UPP1: variants seen among roughly 807,000 people sequenced by gnomAD.
UPP1 encodes uridine phosphorylase 1.
Under a neutral mutation model 29.6 loss-of-function variants are expected in UPP1, and 25 were observed. The observed-to-expected ratio is 0.85, with a 90% confidence interval of 0.62 to 1.18. UPP1 has a LOEUF of 1.18. UPP1 is among the 50% of genes most tolerant of loss of function. The probability of loss-of-function intolerance (pLI) is 0.00; values close to 1 mark genes in which losing one functional copy is unlikely to be tolerated. For synonymous variants in UPP1, 165 were observed against 159.8 expected, an observed-to-expected ratio of 1.03 and a Z score of -0.25; for missense variants, 368 against 410.4, an observed-to-expected ratio of 0.90 and a Z score of 0.89.
Position 48,108,584 on chromosome 7 carries a change from A to G in UPP1, c.*227A>G. The G allele has an allele frequency of 1.1e-5, 5 of 445,360 alleles. 1 individual carries two copies. Among genetic ancestry groups the G allele is most frequent in the Non-Finnish European group, 1.5e-5 (4 of 275,204 alleles). The allele number at this position is 445,360 out of a possible 1,614,324, so 27.6% of individuals were successfully genotyped here. On this transcript the variant is annotated 3_prime_UTR_variant, in exon 9 of 9. Transcript: ENST00000395564. The stretch of plus-strand genomic sequence containing the variant: ...GTTAGCCTGATTTGGGGTTTCTTCA[A>G]GAACATTCTACCAAATTTTTGTACT...
At chr7:48,092,367 C>A (rs1190678576) in intron 2 of UPP1, among the ~76,000 whole-genome samples, 1 of 152,268 alleles carries the variant, frequency 6.6e-6, no homozygotes, top group East Asian at 1.9e-4. Context: ...CAGACCCCTA[C>A]GCCCCGGGAT....
intron 2 of UPP1, among the ~76,000 whole-genome samples, chr7:48,092,019 G>A (rs1303989668): frequency 6.6e-6 from 1 of 152,080 alleles, no homozygotes; most frequent in Admixed American, 6.5e-5. Context: ...AGAGCTTTCC[G>A]GGGGCCACTC....
chr7:48,108,423 C>A lies in UPP1; in HGVS notation c.*66C>A. 3 of 1,545,678 alleles carry A rather than the reference C, an allele frequency of 1.9e-6. No homozygotes were observed. The highest frequency in any genetic ancestry group is 2.3e-5 in the East Asian group (1 of 43,506). On this transcript the variant is annotated 3_prime_UTR_variant, in exon 9 of 9. Coordinates refer to ENST00000395564, the MANE Select transcript of UPP1 (RefSeq NM_003364.4). The stretch of plus-strand genomic sequence containing the variant: ...CCATTAAAAGCATTGTCCAAAATCC[C>A]CTGTTGTGTGGACTTTGAGCACACT...
intron 6 of UPP1, chr7:48,104,974 C>T (rs1212035641): frequency 3.9e-5 from 6 of 152,200 alleles, no homozygotes; most frequent in Non-Finnish European, 7.3e-5. Flanking sequence ...AAACCAAAAA[C>T]CACTGGACAC....
chr7:48,099,749 A>G lies in UPP1; in HGVS notation c.124A>G (p.Ser42Gly). ...TCTCTATCATTTCAATCTCACCACT[A>G]GCAGACACAATTTCCCAGCCTTGTT... ...DILYHFNLTT[S>G]RHNFPALFGD... The change falls in exon 4 of 9, where the codon AGC becomes GGC. Residue 42 changes from serine to glycine, a missense_variant. Transcript: ENST00000395564. 1 of 1,613,560 alleles carries G rather than the reference A, an allele frequency of 6.2e-7. No individual in the cohort carries two copies. Among genetic ancestry groups the G allele is most frequent in the East Asian group, 2.2e-5 (1 of 44,898 alleles).
At chr7:48,103,501 C>CA (rs1249830347) in intron 6 of UPP1, 90 bp downstream of exon 6, 2 of 1,147,238 alleles carry the variant, frequency 1.7e-6, no homozygotes, top group Non-Finnish European at 2.6e-6. Flanking sequence ...GCATTAGAGA[C>CA]AAAGAGTTCC....
At position 48,101,941 on chromosome 7, in the gene UPP1, C is replaced by T. The variant is rs758600283; in HGVS notation, c.280C>T (p.Arg94Cys). 1.5e-5 allele frequency: 24 copies of T among 1,613,774 alleles called. No individual in the cohort carries two copies. The Middle Eastern group carries it at 8.2e-4, about 55-fold the overall frequency. ...TCCCAACATCTGTGCGGGAACTGAC[C>T]GCTATGCCATGTATAAAGTAGGACC... ...DYPNICAGTD[R>C]YAMYKVGPVL... The change falls in exon 5 of 9, where the codon CGC (arginine) becomes TGC (cysteine). Residue 94 changes from arginine (R) to cysteine (C), a missense_variant. Physicochemically the swap from Arg to Cys is radical, Grantham distance 180 (BLOSUM62 -3). Transcript: ENST00000395564.
rs1792044827 is a variant in UPP1, at chr7:48,094,901, T to A, written c.44+74T>A. On this transcript the variant is annotated intron_variant, in intron 3 of 8. Coordinates refer to ENST00000395564, the MANE Select transcript of UPP1 (RefSeq NM_003364.4). ...TATAGAGCATATGTTGTGCCACACATTTTTCTAAGGACTTGACATATATTA... is the reference window on the plus strand; with the variant it reads ...TATAGAGCATATGTTGTGCCACACAATTTTCTAAGGACTTGACATATATTA... The A allele has an allele frequency of 2.9e-5, 45 of 1,531,766 alleles. 1 individual carries two copies. The South Asian group carries it at 5.1e-4, about 17-fold the overall frequency. 94.9% of individuals were successfully genotyped at this position (1,531,766 alleles called of 1,614,324 possible). A position where few individuals can be genotyped will look rare whatever the true frequency, so the allele number is the denominator to read the frequency against.
At chr7:48,099,559 C>G in intron 3 of UPP1, 111 bp from the exon 4 acceptor site, 3 of 745,902 alleles carry the variant, frequency 4.0e-6, no homozygotes, top group Non-Finnish European at 6.9e-6. Context: ...GGATCTGGCC[C>G]TGTCTTTCTC....
chr7:48,101,076 T>G (rs1792392760), intron 4 of UPP1, among the ~76,000 whole-genome samples: 1 of 152,044 alleles, frequency 6.6e-6, no homozygotes, highest in Non-Finnish European at 1.5e-5. Context: ...CCAGCTAATT[T>G]TTGTATTTTT....
intron 3 of UPP1, 54 bp from the exon 4 acceptor site, chr7:48,099,616 C>A: frequency 8.0e-7 from 1 of 1,248,262 alleles, no homozygotes; most frequent in South Asian, 1.2e-5. Flanking sequence ...GTGATAATGT[C>A]GGCTGTCGGG....
intron 4 of UPP1, 60 bp from the exon 5 acceptor site, chr7:48,101,764 C>T: frequency 6.4e-7 from 1 of 1,554,670 alleles, no homozygotes; most frequent in Non-Finnish European, 8.7e-7. Context: ...CTAGGGGCCC[C>T]ACTTGAGGAC....
chr7:48,091,255 T>C (rs777020003), intron 2 of UPP1, among the ~76,000 whole-genome samples: 10 of 149,998 alleles, frequency 6.7e-5, no homozygotes, highest in Non-Finnish European at 1.3e-4. Flanking sequence ...TTTAACGGGT[T>C]AAAACTAAAA....
chr7:48,101,711 TTA>T, intron 4 of UPP1, 111 bp from the exon 5 acceptor site: 3 of 1,260,464 alleles, frequency 2.4e-6, no homozygotes. Context: ...GCCAGTGAAC[TTA>T]TATTTTTAGC....
intron 3 of UPP1, among the ~76,000 whole-genome samples, chr7:48,097,581 A>C (rs893332471): frequency 1.1e-4 from 16 of 152,164 alleles, no homozygotes; most frequent in Non-Finnish European, 1.3e-4. Context: ...GTTACACCCT[A>C]CTTCCTTCTT....
At chr7:48,095,109 C>T (rs1173332319) in intron 3 of UPP1, among the ~76,000 whole-genome samples, 1 of 152,142 alleles carries the variant, frequency 6.6e-6, no homozygotes, top group Non-Finnish European at 1.5e-5. Context: ...GTAGGTTTTT[C>T]CTCTATGTGC....
At chr7:48,091,445 C>T (rs759333852) in intron 2 of UPP1, among the ~76,000 whole-genome samples, 5 of 152,138 alleles carry the variant, frequency 3.3e-5, no homozygotes, top group Admixed American at 6.5e-5. Context: ...ACCAGCAAAA[C>T]TCTCCTGTTA....
Position 48,103,350 on chromosome 7 carries a change from G to A in UPP1, c.375G>A (p.Leu125=). The change falls in exon 6 of 9, where the codon CTG becomes CTA. Residue 125 remains leucine, a synonymous_variant. Transcript: ENST00000395564. ...TCATGTTGCATGAGCTCATAAAGCT[G>A]CTGTACTATGCCCGGTGCTCCAACG... ...ISIMLHELIK[L]LYYARCSNVT... 1 of 1,614,036 alleles carries A rather than the reference G, an allele frequency of 6.2e-7. No individual in the cohort carries two copies. The highest frequency in any genetic ancestry group is 8.5e-7 in the Non-Finnish European group (1 of 1,179,940).
At position 48,103,307 on chromosome 7, in the gene UPP1, G is replaced by A. The variant is rs1792534918; in HGVS notation, c.332G>A (p.Gly111Asp). ...GPVLSVSHGMGIPSISIMLHE... is the reference protein window; with the variant it reads ...GPVLSVSHGMDIPSISIMLHE... ...TCTCCCTGGTTCCAGCATGGTATGG[G>A]CATTCCTTCTATCTCAATCATGTTG... Residue 111 changes from glycine to aspartate, a missense_variant, in exon 6 of 9, where the codon GGC becomes GAC. By Grantham distance (94) the Gly-to-Asp change is moderately conservative (BLOSUM62 -1). Transcript: ENST00000395564. 3 of 1,613,764 alleles carry A rather than the reference G, an allele frequency of 1.9e-6. No individual in the cohort carries two copies. Among genetic ancestry groups the A allele is most frequent in the East Asian group, 2.2e-5 (1 of 44,872 alleles).
Sources: gnomAD v4.1 joint callset for allele counts (sites outside exome capture counted in the v4.1 genomes callset) on GRCh38, gnomAD v4.1.1 for gene constraint, MANE v1.5 for transcripts, NCBI Gene and HGNC (gene_info 2026-07-23, HGNC 2026-07-21) for gene names.